The following POLD3 variants were observed in gnomAD, a reference collection of about 807,000 sequenced individuals.
POLD3 encodes the protein DNA polymerase delta subunit 3.
POLD3 carries 19 observed loss-of-function variants against 58.2 expected under a neutral mutation model. That is an observed-to-expected ratio of 0.33 (90% CI 0.23 to 0.48). The LOEUF (loss-of-function observed/expected upper bound fraction) is 0.48. Ranked by LOEUF, POLD3 falls within the 20% of genes least tolerant of loss-of-function variation. The pLI is 0.99. For synonymous variants in POLD3, 172 were observed against 193.5 expected (o/e 0.89, Z 0.92); for missense variants, 504 against 545.5 (o/e 0.92, Z 0.76).
chr11:74,618,459 T>C (rs1467449065), intron 5 of POLD3, 78 bp from the exon 6 acceptor site: 3 of 973,866 alleles, frequency 3.1e-6, no homozygotes, highest in Non-Finnish European at 4.6e-6. Flanking sequence ...CTGACATTAG[T>C]TTTTTTTTTC....
At chr11:74,638,709 G>A (rs1158740179) in intron 11 of POLD3, 5 of 454,008 alleles carry the variant, frequency 1.1e-5, no homozygotes, top group Admixed American at 7.1e-5. Flanking sequence ...AATTATCTTA[G>A]AGCAACATTT....
chr11:74,605,881 C>G (rs773361955), intron 3 of POLD3, among the ~76,000 whole-genome samples: 2 of 152,042 alleles, frequency 1.3e-5, no homozygotes, highest in East Asian at 1.9e-4. Flanking sequence ...CCCAGGAGTT[C>G]GAGACCAACC....
At chr11:74,609,262 A>G (rs991763040) in intron 3 of POLD3, among the ~76,000 whole-genome samples, 1 of 140,142 alleles carries the variant, frequency 7.1e-6, no homozygotes, top group African/African-American at 2.7e-5. Flanking sequence ...TTTTTTTTCC[A>G]TTTTGCTTTC....
intron 4 of POLD3, among the ~76,000 whole-genome samples, chr11:74,666,361 C>T (rs1192820301): frequency 1.3e-5 from 2 of 152,224 alleles, no homozygotes; most frequent in African/African-American, 4.8e-5. Context: ...TGGCTCACGC[C>T]TGTAATCCCA....
chr11:74,653,412 T>C (rs2033092958), intron 4 of POLD3, among the ~76,000 whole-genome samples: 1 of 151,582 alleles, frequency 6.6e-6, no homozygotes, highest in Non-Finnish European at 1.5e-5. Context: ...TATGGAAGTA[T>C]AGTATACTCT....
intron 9 of POLD3, among the ~76,000 whole-genome samples, chr11:74,633,953 T>C (rs116627226): frequency 7.0e-4 from 107 of 152,348 alleles, no homozygotes; most frequent in African/African-American, 2.5e-3. Context: ...CTGGAAATTT[T>C]CAGTCTAAGA....
chr11:74,604,771 A>G lies in POLD3; in HGVS notation c.196A>G (p.Ser66Gly). The G allele has an allele frequency of 6.2e-7, 1 of 1,602,490 alleles. No homozygotes were observed. The highest frequency in any genetic ancestry group is 1.3e-5 in the African/African-American group (1 of 74,830). Residue 66 changes from serine to glycine, a missense_variant, in exon 3 of 12, where the codon AGT (serine) becomes GGT (glycine). Ser to Gly is a moderately conservative substitution (Grantham distance 56). Transcript: ENST00000263681. ...GCATGTTACCTACTTGGTGTCTGGC[A>G]GTCTCATTCAGAATGGACATTCCGT... ...QLHVTYLVSG[S>G]LIQNGHSCHK...
intron 11 of POLD3, among the ~76,000 whole-genome samples, chr11:74,638,274 G>A (rs1591319533): frequency 6.6e-6 from 1 of 152,038 alleles, no homozygotes; most frequent in African/African-American, 2.4e-5. Context: ...ATTCCTTTTA[G>A]TTCTTACAGT....
intron 4 of POLD3, among the ~76,000 whole-genome samples, chr11:74,662,419 C>T (rs930192610): frequency 6.6e-6 from 1 of 152,000 alleles, no homozygotes; most frequent in Non-Finnish European, 1.5e-5. Context: ...CCTGACCTGG[C>T]CCCTTCTCTT....
chr11:74,607,247 T>TA (rs1491379655), intron 3 of POLD3, among the ~76,000 whole-genome samples: 14,051 of 89,388 alleles, frequency 0.16, 814 homozygotes, highest in African/African-American at 0.33. Flanking sequence ...TTATTATATA[T>TA]TTATTTATTT....
intron 2 of POLD3, among the ~76,000 whole-genome samples, chr11:74,603,641 G>A (rs2031575524): frequency 6.6e-6 from 1 of 152,138 alleles, no homozygotes; most frequent in South Asian, 2.1e-4. Flanking sequence ...AGGAAAGGGA[G>A]GAGGTAGAGA....
chr11:74,648,496 A>G (rs1591325682), intron 4 of POLD3, among the ~76,000 whole-genome samples: 1 of 152,222 alleles, frequency 6.6e-6, no homozygotes, highest in East Asian at 1.9e-4. Context: ...TTAAGGGAAG[A>G]TTCACAGAGG....
chr11:74,668,484 A>G (rs2033299315), intron 4 of POLD3, among the ~76,000 whole-genome samples: 1 of 152,240 alleles, frequency 6.6e-6, no homozygotes, highest in Non-Finnish European at 1.5e-5. Context: ...AAGCCTACAT[A>G]TCACGTAGCA....
chr11:74,619,822 A>G (rs1018078752), intron 6 of POLD3, among the ~76,000 whole-genome samples, 195 bp from the exon 7 acceptor site: 1 of 152,198 alleles, frequency 6.6e-6, no homozygotes, highest in Admixed American at 6.5e-5. Context: ...AGCTTTAGAG[A>G]TTAACACCAG....
At chr11:74,593,931 C>T in intron 1 of POLD3, 130 bp from the exon 2 acceptor site, 1 of 586,768 alleles carries the variant, frequency 1.7e-6, no homozygotes, top group Non-Finnish European at 3.1e-6. Context: ...GGGAAAACTG[C>T]AGTGGCATTT....
At chr11:74,628,257 G>A (rs1253160429) in intron 8 of POLD3, among the ~76,000 whole-genome samples, 1 of 151,936 alleles carries the variant, frequency 6.6e-6, no homozygotes, top group Non-Finnish European at 1.5e-5. Context: ...TTCAAAATGG[G>A]TTTTATAAAA....
downstream of POLD3, among the ~76,000 whole-genome samples, chr11:74,644,120 C>T (rs182315116): frequency 5.5e-4 from 84 of 152,290 alleles, no homozygotes; most frequent in African/African-American, 1.9e-3. Context: ...TGAAACAGTT[C>T]TCTATTCCTT....
intron 5 of POLD3, 47 bp downstream of exon 5, chr11:74,613,057 G>A (rs2031967959): frequency 1.3e-6 from 2 of 1,570,458 alleles, no homozygotes; most frequent in Admixed American, 1.9e-5. Flanking sequence ...AATTGATTTT[G>A]TAAGATGTTT....
intron 3 of POLD3, among the ~76,000 whole-genome samples, chr11:74,611,264 T>TACAGATAAGGAA (rs1591298472): frequency 2.6e-5 from 4 of 152,250 alleles, no homozygotes; most frequent in Admixed American, 2.6e-4. Context: ...AAATCTGTGC[T>TACAGATAAGGAA]AGATCACTTT....
Sources: allele counts gnomAD v4.1 joint callset (sites outside exome capture counted in the v4.1 genomes callset), GRCh38; gene constraint gnomAD v4.1.1; transcripts MANE v1.5; gene names NCBI Gene and HGNC (gene_info 2026-07-23, HGNC 2026-07-21).